The following DCC variants were observed in gnomAD, a reference collection of about 807,000 sequenced individuals.
The protein encoded by DCC is netrin receptor DCC.
DCC carries 58 observed loss-of-function variants against 172.5 expected under a neutral mutation model. The ratio of observed to expected loss-of-function variants is 0.34; its 90% CI spans 0.27 to 0.42. The LOEUF (loss-of-function observed/expected upper bound fraction) is 0.42. DCC is among the 10% of genes least tolerant of loss of function. The pLI is 1.00. For synonymous variants in DCC, 709 were observed against 644.5 expected, an observed-to-expected ratio of 1.10 and a Z score of -1.52; for missense variants, 1,740 against 1,791.0, an observed-to-expected ratio of 0.97 and a Z score of 0.51.
At chr18:52,601,059 C>CA (rs1228218727) in intron 1 of DCC, among the ~76,000 whole-genome samples, 4 of 151,892 alleles carry the variant, frequency 2.6e-5, no homozygotes, top group Non-Finnish European at 4.4e-5. Flanking sequence ...AGTCGAATTT[C>CA]AAAAAAATAA....
At chr18:52,546,142 A>G (rs1449225482) in intron 1 of DCC, among the ~76,000 whole-genome samples, 4 of 152,130 alleles carry the variant, frequency 2.6e-5, no homozygotes, top group Non-Finnish European at 4.4e-5. Context: ...GTATATATGT[A>G]TGGGTGTACG....
intron 13 of DCC, among the ~76,000 whole-genome samples, chr18:53,321,113 T>A (rs1267643449): frequency 1.3e-5 from 2 of 152,192 alleles, no homozygotes; most frequent in African/African-American, 2.4e-5. Context: ...TCTTCAAATA[T>A]GTAATTTTGT....
At chr18:52,497,278 AAAATATATATATATAT>A (rs1278051294) in intron 1 of DCC, among the ~76,000 whole-genome samples, 2 of 60,990 alleles carry the variant, frequency 3.3e-5, no homozygotes, top group African/African-American at 1.6e-4. Flanking sequence ...AAAAAAAAAA[AAAATATATATATATAT>A]ATATATATAT....
intron 5 of DCC, among the ~76,000 whole-genome samples, chr18:52,945,218 A>G (rs982916347): frequency 4.6e-5 from 7 of 152,308 alleles, no homozygotes; most frequent in African/African-American, 1.7e-4. Flanking sequence ...ATATGAACTT[A>G]GGTTTTAACA....
rs147758557 is a variant in DCC at position 53,351,291 on chromosome 18, G to GTATATATATA, written c.2359+11399_2359+11408dup. Reference sequence around the variant, plus strand: ...AGAAAAGATCTTCTCATTGAGTACAGTATATATATATATATATATATATAC... The same window carrying GTATATATATA: ...AGAAAAGATCTTCTCATTGAGTACAGTATATATATATATATATATATATATATATATATAC... On this transcript the variant is annotated intron_variant, in intron 15 of 28. Coordinates refer to ENST00000442544, the MANE Select transcript of DCC (RefSeq NM_005215.4). Among the ~76,000 whole-genome samples the GTATATATATA allele has an allele frequency of 7.0e-3, 241 of 34,416 alleles. 3 individuals carry two copies. The highest frequency in any genetic ancestry group is 0.018 in the East Asian group (29 of 1,576). 22.6% of individuals were successfully genotyped at this position (34,416 alleles called of 152,430 possible). A position where few individuals can be genotyped will look rare whatever the true frequency, so the allele number is the denominator to read the frequency against.
chr18:52,532,276 A>G (rs2032173005), intron 1 of DCC, among the ~76,000 whole-genome samples: 1 of 152,188 alleles, frequency 6.6e-6, no homozygotes, highest in Non-Finnish European at 1.5e-5. Context: ...CATGTGATTA[A>G]TGTGAGGACT....
At chr18:52,977,044 C>G (rs1444919191) in intron 5 of DCC, among the ~76,000 whole-genome samples, 1 of 152,168 alleles carries the variant, frequency 6.6e-6, no homozygotes, top group Non-Finnish European at 1.5e-5. Context: ...CAAAGTTTCT[C>G]CCTCAAGGTG....
chr18:53,475,552 GCTTC>G (rs2045752068), intron 25 of DCC, among the ~76,000 whole-genome samples: 1 of 152,222 alleles, frequency 6.6e-6, no homozygotes, highest in Admixed American at 6.5e-5. Context: ...AGTCTTGGCA[GCTTC>G]CTTGTGGTGT....
At chr18:52,990,002 T>C (rs188329495) in intron 5 of DCC, among the ~76,000 whole-genome samples, 11 of 152,274 alleles carry the variant, frequency 7.2e-5, no homozygotes, top group African/African-American at 2.6e-4. Context: ...AATACCACTT[T>C]GGAATATGAA....
intron 12 of DCC, among the ~76,000 whole-genome samples, chr18:53,255,250 A>G (rs990820799): frequency 6.6e-5 from 10 of 151,612 alleles, no homozygotes; most frequent in Non-Finnish European, 1.2e-4. Flanking sequence ...GTTTTAGGGT[A>G]CATGTGCACA....
At chr18:53,179,440 T>C (rs556681030) in intron 9 of DCC, among the ~76,000 whole-genome samples, 41 of 152,210 alleles carry the variant, frequency 2.7e-4, no homozygotes, top group Non-Finnish European at 4.0e-4. Context: ...GCCTCCTCTG[T>C]TGAATTTTCA....
intron 1 of DCC, among the ~76,000 whole-genome samples, chr18:52,746,641 G>A (rs1455608366): frequency 2.0e-5 from 3 of 152,138 alleles, no homozygotes; most frequent in Non-Finnish European, 2.9e-5. Context: ...AAGGGACCAA[G>A]CTTAGAGAAA....
intron 2 of DCC, among the ~76,000 whole-genome samples, chr18:52,864,675 C>T (rs1249833260): frequency 6.6e-6 from 1 of 152,018 alleles, no homozygotes; most frequent in African/African-American, 2.4e-5. Flanking sequence ...TAATGCTATC[C>T]TTCCCCAGCC....
intron 2 of DCC, among the ~76,000 whole-genome samples, chr18:52,882,774 C>T (rs115003520): frequency 0.015 from 2,303 of 152,180 alleles, 42 homozygotes; most frequent in African/African-American, 0.039. Flanking sequence ...ATTAGGCTTA[C>T]TTGGTCTCTA....
intron 5 of DCC, chr18:52,931,724 TATAA>T (rs1233399876): frequency 2.0e-5 from 3 of 152,112 alleles, no homozygotes; most frequent in Non-Finnish European, 4.4e-5. Flanking sequence ...ATAAATAAAA[TATAA>T]ATAAGTTCAT....
At chr18:52,970,074 G>A (rs969945206) in intron 5 of DCC, among the ~76,000 whole-genome samples, 8 of 152,010 alleles carry the variant, frequency 5.3e-5, no homozygotes, top group African/African-American at 1.7e-4. Context: ...ATTTCTGTAT[G>A]AATGTCATAC....
intron 1 of DCC, among the ~76,000 whole-genome samples, chr18:52,582,086 T>A (rs570346582): frequency 6.5e-4 from 99 of 152,310 alleles, no homozygotes; most frequent in African/African-American, 2.3e-3. Flanking sequence ...TCTACAAAGC[T>A]CTATTAATTC....
chr18:52,479,570 A>C (rs1430366454), intron 1 of DCC, among the ~76,000 whole-genome samples: 778 of 65,780 alleles, frequency 0.012, no homozygotes, highest in Middle Eastern at 0.033. Context: ...CTCACTCCCT[A>C]CCTCCCTCCA....
chr18:53,499,004 T>C (rs114905589), intron 26 of DCC, among the ~76,000 whole-genome samples: 3 of 152,212 alleles, frequency 2.0e-5, no homozygotes, highest in African/African-American at 4.8e-5. Context: ...TCATCACTTA[T>C]GATTAGAGGG....
Sources: gnomAD v4.1 joint callset for allele counts (sites outside exome capture counted in the v4.1 genomes callset) on GRCh38, gnomAD v4.1.1 for gene constraint, MANE v1.5 for transcripts, NCBI Gene and HGNC (gene_info 2026-07-23, HGNC 2026-07-21) for gene names.